The following EYA3 variants were observed in gnomAD, a reference collection of about 807,000 sequenced individuals.
The protein encoded by EYA3 is EYA transcriptional coactivator and phosphatase 3.
EYA3 carries 39 observed loss-of-function variants against 80.0 expected under a neutral mutation model. That is an observed-to-expected ratio of 0.49 (90% CI 0.38 to 0.64). EYA3 has a LOEUF of 0.64. Ranked by LOEUF, EYA3 falls within the 30% of genes least tolerant of loss-of-function variation. The probability of loss-of-function intolerance (pLI) is 0.00; values close to 1 mark genes in which losing one functional copy is unlikely to be tolerated. For missense variants in EYA3, 523 were observed against 676.1 expected, an observed-to-expected ratio of 0.77 and a Z score of 2.51; for synonymous variants, 206 against 232.8, an observed-to-expected ratio of 0.88 and a Z score of 1.05.
intron 13 of EYA3, among the ~76,000 whole-genome samples, chr1:27,994,323 C>T (rs1640275719): frequency 6.6e-6 from 1 of 152,162 alleles, no homozygotes; most frequent in Non-Finnish European, 1.5e-5. Flanking sequence ...ATTGGAAGCA[C>T]ATTCTCCAGC....
intron 16 of EYA3, among the ~76,000 whole-genome samples, chr1:27,979,159 T>A (rs1025676652): frequency 1.3e-5 from 2 of 152,178 alleles, no homozygotes; most frequent in African/African-American, 4.8e-5. Flanking sequence ...CATTGTGTCA[T>A]AATGAATGAA....
chr1:28,028,774 T>G (rs755163715), intron 6 of EYA3, among the ~76,000 whole-genome samples: 14 of 152,062 alleles, frequency 9.2e-5, no homozygotes, highest in Middle Eastern at 3.4e-3. Context: ...ATTGTGATTT[T>G]TTGTTGTTGT....
intron 10 of EYA3, among the ~76,000 whole-genome samples, chr1:28,006,595 A>G (rs1440074149): frequency 1.3e-5 from 2 of 152,024 alleles, no homozygotes; most frequent in Non-Finnish European, 2.9e-5. Flanking sequence ...AATCCCAGCT[A>G]CTCAGGAGTC....
At chr1:28,025,909 G>A (rs747321914) in intron 7 of EYA3, among the ~76,000 whole-genome samples, 4 of 152,106 alleles carry the variant, frequency 2.6e-5, no homozygotes, top group Admixed American at 6.5e-5. Context: ...ACAGGCATGC[G>A]CCACCACACC....
At chr1:28,075,329 T>A (rs575688379) in intron 1 of EYA3, among the ~76,000 whole-genome samples, 44 of 152,334 alleles carry the variant, frequency 2.9e-4, no homozygotes, top group African/African-American at 1.0e-3. Flanking sequence ...ATCTAACTAT[T>A]CACTGTCACT....
At position 27,973,056 on chromosome 1, in the gene EYA3, C is replaced by G. The variant is rs920798207; in HGVS notation, c.*1410G>C. The stretch of plus-strand genomic sequence containing the variant: ...AACCTGTCTGTTTCTCCCTTCCCCC[C>G]ACAATCAGCAAAGTCTTTCTGGTTT... On this transcript the variant is annotated 3_prime_UTR_variant, in exon 18 of 18. Transcript: ENST00000373871. The G allele has an allele frequency of 6.6e-6, 1 of 152,220 alleles. No homozygotes were observed. The highest frequency in any genetic ancestry group is 2.4e-5 in the African/African-American group (1 of 41,456). 9.4% of individuals were successfully genotyped at this position (152,220 alleles called of 1,614,324 possible). A position where few individuals can be genotyped will look rare whatever the true frequency, so the allele number is the denominator to read the frequency against.
At chr1:28,082,399 A>AT (rs1347661563) in intron 1 of EYA3, among the ~76,000 whole-genome samples, 1 of 152,154 alleles carries the variant, frequency 6.6e-6, no homozygotes, top group African/African-American at 2.4e-5. Context: ...GAACAAAAGA[A>AT]TCATCTTAAT....
chr1:28,006,241 G>C (rs1274117266), intron 10 of EYA3, among the ~76,000 whole-genome samples: 1 of 152,092 alleles, frequency 6.6e-6, no homozygotes, highest in Non-Finnish European at 1.5e-5. Flanking sequence ...ATTATGCAAA[G>C]TAATGCATCA....
intron 1 of EYA3, among the ~76,000 whole-genome samples, chr1:28,064,734 C>T (rs1644769430): frequency 6.6e-6 from 1 of 151,920 alleles, no homozygotes; most frequent in Admixed American, 6.6e-5. Context: ...GCAATCCTCC[C>T]ACCTCAGCCT....
intron 2 of EYA3, among the ~76,000 whole-genome samples, chr1:28,052,071 C>T (rs923418446): frequency 4.6e-5 from 7 of 151,966 alleles, no homozygotes; most frequent in Non-Finnish European, 8.8e-5. Context: ...TGCAGTGGTG[C>T]GATCTCGGCT....
At chr1:27,993,223 T>C (rs527332036) in intron 14 of EYA3, among the ~76,000 whole-genome samples, 177 bp downstream of exon 14, 3 of 152,256 alleles carry the variant, frequency 2.0e-5, no homozygotes, top group Admixed American at 1.3e-4. Context: ...GTTAGAAATA[T>C]AGAGCTTCCT....
Position 28,048,360 on chromosome 1 carries a change from AAAAG to A in EYA3, c.77+19_77+22del. 2.5e-6 allele frequency: 4 copies of A among 1,576,132 alleles called. No individual in the cohort carries two copies. Among genetic ancestry groups the A allele is most frequent in the Non-Finnish European group, 3.4e-6 (4 of 1,161,900 alleles). On this transcript the variant is annotated intron_variant, in intron 3 of 17. Transcript: ENST00000373871. ...AACAAAACTTATGAGTAGTTCATTA[AAAAG>A]AAAGCAAACTTTACATACCTTATAG...
chr1:28,011,154 G>GACTC, intron 9 of EYA3, 68 bp from the exon 10 acceptor site: 1 of 1,519,326 alleles, frequency 6.6e-7, no homozygotes, highest in Non-Finnish European at 8.9e-7. Flanking sequence ...CAGGAAGAGG[G>GACTC]TTAGTGGACT....
intron 16 of EYA3, among the ~76,000 whole-genome samples, chr1:27,984,610 C>T (rs927769184): frequency 2.6e-5 from 4 of 152,092 alleles, no homozygotes; most frequent in Non-Finnish European, 4.4e-5. Flanking sequence ...CACCACTGAT[C>T]GAAGGTAAGT....
At chr1:28,024,603 G>A (rs1642662045) in intron 7 of EYA3, among the ~76,000 whole-genome samples, 1 of 151,948 alleles carries the variant, frequency 6.6e-6, no homozygotes, top group Non-Finnish European at 1.5e-5. Flanking sequence ...GTTGTAGTGA[G>A]CCGAGAGCAT....
intron 17 of EYA3, among the ~76,000 whole-genome samples, chr1:27,978,005 T>C (rs933797037): frequency 6.6e-6 from 1 of 152,170 alleles, no homozygotes; most frequent in Non-Finnish European, 1.5e-5. Flanking sequence ...GTCTGAGAAC[T>C]TGAAGCATGG....
At chr1:28,028,190 A>C (rs925941178) in intron 6 of EYA3, among the ~76,000 whole-genome samples, 1 of 152,158 alleles carries the variant, frequency 6.6e-6, no homozygotes, top group Non-Finnish European at 1.5e-5. Flanking sequence ...TGACTGGGGG[A>C]AATTGACCAG....
intron 3 of EYA3, among the ~76,000 whole-genome samples, chr1:28,043,377 CA>C (rs1161729663): frequency 6.7e-6 from 1 of 149,540 alleles, no homozygotes; most frequent in Admixed American, 6.7e-5. Flanking sequence ...ATGCTTTTAG[CA>C]ATTCTGAAAT....
chr1:28,002,957 T>G (rs1640983493), intron 11 of EYA3, among the ~76,000 whole-genome samples: 1 of 151,538 alleles, frequency 6.6e-6, no homozygotes, highest in Non-Finnish European at 1.5e-5. Flanking sequence ...CTGTCTCTAC[T>G]AAAAGTACAA....
Sources: allele counts gnomAD v4.1 joint callset (sites outside exome capture counted in the v4.1 genomes callset), GRCh38; gene constraint gnomAD v4.1.1; transcripts MANE v1.5; gene names NCBI Gene and HGNC (gene_info 2026-07-23, HGNC 2026-07-21).